EFNA5: variants seen among roughly 807,000 people sequenced by gnomAD.
EFNA5 encodes ephrin A5, also known as ephrin-A5.
EFNA5 carries 5 observed loss-of-function variants against 22.9 expected under a neutral mutation model. The observed-to-expected ratio is 0.22, with a 90% CI of 0.11 to 0.46. The LOEUF is 0.46. EFNA5 is among the 20% of genes least tolerant of loss of function. The pLI is 0.99. For missense variants in EFNA5, 237 were observed against 293.3 expected (o/e 0.81, Z 1.40); for synonymous variants, 113 against 112.2 (o/e 1.01, Z -0.04).
At chr5:107,495,545 A>G (rs771938692) in intron 1 of EFNA5, among the ~76,000 whole-genome samples, 1 of 152,244 alleles carries the variant, frequency 6.6e-6, no homozygotes, top group Non-Finnish European at 1.5e-5. Context: ...GTAAGCATCC[A>G]TGAATTCTTA....
intron 1 of EFNA5, among the ~76,000 whole-genome samples, chr5:107,628,962 C>A (rs1750191455): frequency 1.3e-5 from 2 of 151,992 alleles, no homozygotes; most frequent in African/African-American, 2.4e-5. Flanking sequence ...ATGGTAAGAG[C>A]TCTATTTTAT....
chr5:107,619,015 G>A (rs559921652), intron 1 of EFNA5, among the ~76,000 whole-genome samples: 8 of 151,850 alleles, frequency 5.3e-5, no homozygotes, highest in African/African-American at 1.4e-4. Context: ...TCTGCCTCCC[G>A]GGTTCATGCC....
chr5:107,489,668 C>A lies in EFNA5; in HGVS notation c.126-62159G>T, dbSNP rs573218802. ...TTGATTTGACCCCACCTACCCCCCC[C>A]ACCAAGATCTAACACTAATGTTTCA... On this transcript the variant is annotated intron_variant, in intron 1 of 4. Coordinates refer to ENST00000333274, the MANE Select transcript of EFNA5 (RefSeq NM_001962.3). 1.4e-4 allele frequency among the ~76,000 whole-genome samples: 21 copies of A among 151,002 alleles called. No homozygotes were observed. The East Asian group carries it at 2.7e-3, about 20-fold the overall frequency.
At chr5:107,569,107 T>C (rs1008453292) in intron 1 of EFNA5, among the ~76,000 whole-genome samples, 3 of 151,994 alleles carry the variant, frequency 2.0e-5, no homozygotes, top group Non-Finnish European at 4.4e-5. Context: ...AACCCCCAGA[T>C]GAGCATAAAG....
At chr5:107,528,540 G>A (rs190277366) in intron 1 of EFNA5, among the ~76,000 whole-genome samples, 321 of 152,254 alleles carry the variant, frequency 2.1e-3, no homozygotes, top group Non-Finnish European at 3.4e-3. Flanking sequence ...TGTGTACTGT[G>A]AGTTTAAAGC....
intron 1 of EFNA5, among the ~76,000 whole-genome samples, chr5:107,429,288 C>CA (rs1748887132): frequency 6.6e-6 from 1 of 152,086 alleles, no homozygotes; most frequent in East Asian, 1.9e-4. Flanking sequence ...ACTAAAAATA[C>CA]AAAAAATATT....
intron 1 of EFNA5, among the ~76,000 whole-genome samples, chr5:107,593,638 G>C (rs539051517): frequency 6.6e-6 from 1 of 152,264 alleles, no homozygotes; most frequent in African/African-American, 2.4e-5. Flanking sequence ...GTAGGTGCTA[G>C]CATCACCCTC....
At chr5:107,481,849 CA>C (rs3078574) in intron 1 of EFNA5, among the ~76,000 whole-genome samples, 87 of 119,776 alleles carry the variant, frequency 7.3e-4, no homozygotes, top group Middle Eastern at 5.1e-3. Flanking sequence ...GACTCCATCT[CA>C]AAAAAAAAAA....
intron 2 of EFNA5, among the ~76,000 whole-genome samples, chr5:107,397,327 G>T (rs138073884): frequency 2.0e-3 from 312 of 152,198 alleles, no homozygotes; most frequent in Non-Finnish European, 3.7e-3. Flanking sequence ...GAGGCAGGTG[G>T]ATCACTAGGT....
At chr5:107,564,145 G>A (rs1216112702) in intron 1 of EFNA5, among the ~76,000 whole-genome samples, 7 of 152,184 alleles carry the variant, frequency 4.6e-5, no homozygotes, top group Non-Finnish European at 7.3e-5. Flanking sequence ...GGGACACTCT[G>A]CAGGCCTGTT....
chr5:107,421,879 C>T (rs996578311), intron 2 of EFNA5, among the ~76,000 whole-genome samples: 2 of 151,894 alleles, frequency 1.3e-5, no homozygotes, highest in Non-Finnish European at 2.9e-5. Context: ...GCAACCTCCG[C>T]CTCCCAGGTT....
chr5:107,649,374 T>A (rs1017707457), intron 1 of EFNA5, among the ~76,000 whole-genome samples: 5 of 152,176 alleles, frequency 3.3e-5, no homozygotes, highest in African/African-American at 1.2e-4. Context: ...GCAAAACATC[T>A]GGCAACAGGT....
intron 1 of EFNA5, among the ~76,000 whole-genome samples, chr5:107,620,006 G>A (rs546816389): frequency 1.6e-4 from 25 of 152,298 alleles, no homozygotes; most frequent in African/African-American, 5.8e-4. Flanking sequence ...ACAGATCTCT[G>A]CAGAAGCACT....
chr5:107,420,219 T>C (rs1472957140), intron 2 of EFNA5, among the ~76,000 whole-genome samples: 1 of 152,166 alleles, frequency 6.6e-6, no homozygotes, highest in Non-Finnish European at 1.5e-5. Context: ...TATGCATTTA[T>C]GAAATTTTTT....
intron 1 of EFNA5, among the ~76,000 whole-genome samples, chr5:107,649,098 A>G (rs1178650854): frequency 6.6e-6 from 1 of 152,148 alleles, no homozygotes; most frequent in East Asian, 1.9e-4. Flanking sequence ...ACAGTTAAAT[A>G]GTGTCAAGGC....
At chr5:107,636,291 C>T (rs1370141299) in intron 1 of EFNA5, among the ~76,000 whole-genome samples, 1 of 152,116 alleles carries the variant, frequency 6.6e-6, no homozygotes, top group Non-Finnish European at 1.5e-5. Context: ...AACTTCAATC[C>T]CCTCCCCACA....
At chr5:107,459,633 T>TA (rs1437989931) in intron 1 of EFNA5, among the ~76,000 whole-genome samples, 1 of 151,922 alleles carries the variant, frequency 6.6e-6, no homozygotes, top group African/African-American at 2.4e-5. Flanking sequence ...TCTGTAAATG[T>TA]AAAAAAAATT....
chr5:107,408,226 A>G (rs1409153621), intron 2 of EFNA5, among the ~76,000 whole-genome samples: 1 of 152,032 alleles, frequency 6.6e-6, no homozygotes, highest in Non-Finnish European at 1.5e-5. Context: ...CTGCCACCAC[A>G]TCTTACTAAG....
intron 1 of EFNA5, among the ~76,000 whole-genome samples, chr5:107,516,576 A>G (rs925385965): frequency 6.6e-6 from 1 of 152,126 alleles, no homozygotes; most frequent in African/African-American, 2.4e-5. Flanking sequence ...GTTCCTCCCA[A>G]ACTGCTTCTT....
Sources: allele counts gnomAD v4.1 joint callset (sites outside exome capture counted in the v4.1 genomes callset), GRCh38; gene constraint gnomAD v4.1.1; transcripts MANE v1.5; gene names NCBI Gene and HGNC (gene_info 2026-07-23, HGNC 2026-07-21).